ST8SIA1: variants seen among roughly 807,000 people sequenced by gnomAD.
ST8SIA1 encodes the protein alpha-N-acetylneuraminide alpha-2,8-sialyltransferase.
A neutral mutation model predicts 35.9 loss-of-function variants in ST8SIA1; 16 were observed. The ratio of observed to expected loss-of-function variants is 0.45; its 90% CI spans 0.30 to 0.68. ST8SIA1 has a LOEUF of 0.68. Among genes scored for constraint, ST8SIA1 ranks in the 30% least tolerant of loss-of-function variants. The pLI is 0.09. For synonymous variants in ST8SIA1, 170 were observed against 169.6 expected, an observed-to-expected ratio of 1.00 and a Z score of -0.02; for missense variants, 383 against 453.6, an observed-to-expected ratio of 0.84 and a Z score of 1.41.
chr12:22,276,613 G>A (rs1245689941), intron 2 of ST8SIA1, among the ~76,000 whole-genome samples: 7 of 152,054 alleles, frequency 4.6e-5, no homozygotes, highest in South Asian at 4.1e-4. Flanking sequence ...ACCCCTGCCC[G>A]ACTCTGGAGT....
chr12:22,292,124 G>GA (rs35972980), intron 1 of ST8SIA1, among the ~76,000 whole-genome samples: 12 of 149,846 alleles, frequency 8.0e-5, no homozygotes, highest in South Asian at 6.3e-4. Context: ...GATTTTCAAG[G>GA]AAAAAAAAAT....
At chr12:22,283,478 C>T (rs999310013) in intron 2 of ST8SIA1, among the ~76,000 whole-genome samples, 2 of 152,018 alleles carry the variant, frequency 1.3e-5, no homozygotes, top group African/African-American at 4.8e-5. Context: ...AAGAGCTGGT[C>T]CCAACCCAGG....
intron 4 of ST8SIA1, among the ~76,000 whole-genome samples, chr12:22,224,958 T>C (rs1035385222): frequency 4.6e-5 from 7 of 152,134 alleles, no homozygotes; most frequent in Admixed American, 4.6e-4. Flanking sequence ...ACTGGCAGCC[T>C]TATAAAAAGA....
At chr12:22,220,037 C>A (rs1327354025) in intron 4 of ST8SIA1, among the ~76,000 whole-genome samples, 1 of 152,160 alleles carries the variant, frequency 6.6e-6, no homozygotes, top group Non-Finnish European at 1.5e-5. Flanking sequence ...TATGTAATCA[C>A]AACATAGCCT....
At chr12:22,251,761 C>A (rs930920205) in intron 3 of ST8SIA1, among the ~76,000 whole-genome samples, 1 of 152,114 alleles carries the variant, frequency 6.6e-6, no homozygotes, top group Non-Finnish European at 1.5e-5. Flanking sequence ...TGCTCATGAT[C>A]CTAAAAGAGA....
chr12:22,219,163 T>C (rs1305802122), intron 4 of ST8SIA1, among the ~76,000 whole-genome samples: 1 of 152,208 alleles, frequency 6.6e-6, no homozygotes, highest in East Asian at 1.9e-4. Context: ...ATCACATTTA[T>C]TTAATTAATG....
At chr12:22,234,668 A>C (rs1266393096) in intron 4 of ST8SIA1, among the ~76,000 whole-genome samples, 1 of 152,202 alleles carries the variant, frequency 6.6e-6, no homozygotes, top group Non-Finnish European at 1.5e-5. Flanking sequence ...TGCCAATCAA[A>C]CTCAACATGT....
chr12:22,248,987 A>G lies in ST8SIA1; in HGVS notation c.584+19T>C. On this transcript the variant is annotated intron_variant, in intron 4 of 4. Coordinates refer to ENST00000396037, the MANE Select transcript of ST8SIA1 (RefSeq NM_003034.4). ...GACTTCATCTTCGTTCGTCACAAAC[A>G]GAAGTCATAAACTCTTACCTTTGCC... 6.3e-7 allele frequency: 1 copy of G among 1,576,016 alleles called. No individual in the cohort carries two copies. Among genetic ancestry groups the G allele is most frequent in the Non-Finnish European group, 8.7e-7 (1 of 1,146,300 alleles).
chr12:22,225,502 C>T (rs1427854313), intron 4 of ST8SIA1, among the ~76,000 whole-genome samples: 2 of 152,062 alleles, frequency 1.3e-5, no homozygotes, highest in South Asian at 4.2e-4. Context: ...GTGGCCTTAA[C>T]CTTGCTTGAT....
At chr12:22,313,346 C>A (rs1296449099) in intron 1 of ST8SIA1, among the ~76,000 whole-genome samples, 1 of 151,950 alleles carries the variant, frequency 6.6e-6, no homozygotes, top group Admixed American at 6.6e-5. Flanking sequence ...GATAAAAGGG[C>A]AAGAAAGCTC....
At chr12:22,292,453 G>C (rs1043383744) in intron 1 of ST8SIA1, among the ~76,000 whole-genome samples, 1 of 152,112 alleles carries the variant, frequency 6.6e-6, no homozygotes, top group Admixed American at 6.5e-5. Flanking sequence ...TTCCTGAAAT[G>C]CTGACTGAGA....
At chr12:22,264,143 T>C (rs1865821264) in intron 2 of ST8SIA1, among the ~76,000 whole-genome samples, 1 of 152,194 alleles carries the variant, frequency 6.6e-6, no homozygotes, top group African/African-American at 2.4e-5. Flanking sequence ...AACTTAGGCA[T>C]CTAAATACAC....
chr12:22,217,918 ATTAT>A (rs1865252355), intron 4 of ST8SIA1, among the ~76,000 whole-genome samples: 1 of 152,232 alleles, frequency 6.6e-6, no homozygotes. Flanking sequence ...TTATATAGGC[ATTAT>A]CAGAATAATG....
chr12:22,239,145 T>C (rs1865510147), intron 4 of ST8SIA1, among the ~76,000 whole-genome samples: 1 of 152,194 alleles, frequency 6.6e-6, no homozygotes, highest in Admixed American at 6.5e-5. Context: ...TTTATAAGCT[T>C]CTTATTATCT....
At chr12:22,258,785 G>C (rs1865754949) in intron 2 of ST8SIA1, among the ~76,000 whole-genome samples, 1 of 152,186 alleles carries the variant, frequency 6.6e-6, no homozygotes, top group African/African-American at 2.4e-5. Context: ...TCAAAGAGTG[G>C]TTCTTGCTTG....
chr12:22,282,808 C>T (rs1323891222), intron 2 of ST8SIA1, among the ~76,000 whole-genome samples: 1 of 152,094 alleles, frequency 6.6e-6, no homozygotes, highest in African/African-American at 2.4e-5. Context: ...CCCTTAGTTT[C>T]CTTCCAGCCA....
At chr12:22,288,195 C>T (rs1327239617) in intron 1 of ST8SIA1, among the ~76,000 whole-genome samples, 3 of 152,216 alleles carry the variant, frequency 2.0e-5, no homozygotes, top group Non-Finnish European at 4.4e-5. Flanking sequence ...TTCACCACTT[C>T]CTCCTCTAGG....
At chr12:22,326,331 C>G (rs1182232833) in intron 1 of ST8SIA1, 1 of 156,300 alleles carries the variant, frequency 6.4e-6, no homozygotes, top group Non-Finnish European at 1.4e-5. Flanking sequence ...ACAGCACCCT[C>G]AGCACTAACT....
chr12:22,225,656 A>G (rs1449282347), intron 4 of ST8SIA1, among the ~76,000 whole-genome samples: 1 of 152,216 alleles, frequency 6.6e-6, no homozygotes, highest in African/African-American at 2.4e-5. Flanking sequence ...CGCAGGACAG[A>G]CCAATTAAGG....
Sources: allele counts gnomAD v4.1 joint callset (sites outside exome capture counted in the v4.1 genomes callset), GRCh38; gene constraint gnomAD v4.1.1; transcripts MANE v1.5; gene names NCBI Gene and HGNC (gene_info 2026-07-23, HGNC 2026-07-21).